Variants in GLDC observed in about 807,000 individuals in gnomAD.
GLDC encodes the protein glycine decarboxylase.
Under a neutral mutation model 121.3 loss-of-function variants are expected in GLDC, and 104 were observed. That is an observed-to-expected ratio of 0.86 (90% confidence interval 0.73 to 1.01). The LOEUF (loss-of-function observed/expected upper bound fraction) is 1.01, where lower values mean the gene tolerates loss of function less well. GLDC is among the 50% of genes least tolerant of loss of function. The pLI is 0.00. For missense variants in GLDC, 1,429 were observed against 1,306.6 expected (o/e 1.09, Z -1.44); for synonymous variants, 546 against 480.6 (o/e 1.14, Z -1.78).
intron 2 of GLDC, among the ~76,000 whole-genome samples, chr9:6,643,799 C>T (rs1016476806): frequency 6.6e-5 from 10 of 151,414 alleles, no homozygotes; most frequent in Non-Finnish European, 1.3e-4. Flanking sequence ...TTTGGGAGGC[C>T]GAGGCAGACG....
At chr9:6,568,643 T>A (rs1361218923) in intron 15 of GLDC, among the ~76,000 whole-genome samples, 1 of 150,898 alleles carries the variant, frequency 6.6e-6, no homozygotes, top group Non-Finnish European at 1.5e-5. Context: ...AGATCAGGAG[T>A]TCGAGACCAG....
Position 6,533,039 on chromosome 9 carries a change from T to G in GLDC, c.3041A>C (p.Glu1014Ala). 1 of 1,612,162 alleles carries G rather than the reference T, an allele frequency of 6.2e-7. No homozygotes were observed. ...PMEVYESPFS[E>A]QKRASS The stretch of plus-strand genomic sequence containing the variant: ...GGACTAAGAAGACGCCCTCTTTTGT[T>G]CAGAAAATGGAGACTCATAAACTTC... The change falls in exon 25 of 25, where the codon GAA (glutamate) becomes GCA (alanine). Residue 1014 changes from glutamate to alanine, a missense_variant. Transcript: ENST00000321612.
intron 2 of GLDC, among the ~76,000 whole-genome samples, chr9:6,622,499 C>T (rs976902225): frequency 6.6e-6 from 1 of 152,114 alleles, no homozygotes; most frequent in African/African-American, 2.4e-5. Flanking sequence ...CAGCCTCGGC[C>T]TCCCGAGGTG....
At chr9:6,535,718 C>T (rs1170189578) in intron 23 of GLDC, among the ~76,000 whole-genome samples, 1 of 152,174 alleles carries the variant, frequency 6.6e-6, no homozygotes, top group African/African-American at 2.4e-5. Context: ...GAGATAACTG[C>T]TCTAATATAA....
chr9:6,596,654 AGTT>A (rs1818498989), intron 8 of GLDC, among the ~76,000 whole-genome samples: 1 of 152,244 alleles, frequency 6.6e-6, no homozygotes, highest in Non-Finnish European at 1.5e-5. Context: ...CAAAATCATT[AGTT>A]ATTAGGGAAA....
At chr9:6,550,024 C>A (rs17591030) in intron 21 of GLDC, among the ~76,000 whole-genome samples, 9 of 152,114 alleles carry the variant, frequency 5.9e-5, no homozygotes, top group African/African-American at 2.2e-4. Context: ...TCACTCCAGA[C>A]CAGAGAGCTT....
intron 17 of GLDC, 85 bp from the exon 18 acceptor site, chr9:6,556,387 T>C: frequency 9.4e-7 from 1 of 1,064,232 alleles, no homozygotes; most frequent in South Asian, 1.3e-5. Flanking sequence ...TTTTAAAGGA[T>C]GAAGAAAGAT....
intron 5 of GLDC, 80 bp downstream of exon 5, chr9:6,606,512 T>G: frequency 1.1e-6 from 1 of 935,820 alleles, no homozygotes; most frequent in Non-Finnish European, 1.8e-6. Flanking sequence ...TCCAATCAGT[T>G]TGGAAGTGAG....
intron 15 of GLDC, among the ~76,000 whole-genome samples, chr9:6,582,853 TAACTC>T (rs1309149002): frequency 1.3e-5 from 2 of 150,766 alleles, no homozygotes; most frequent in African/African-American, 4.9e-5. Flanking sequence ...AGAACTGCTA[TAACTC>T]AACAACAAAT....
At chr9:6,543,200 A>C (rs1430432278) in intron 21 of GLDC, among the ~76,000 whole-genome samples, 2 of 152,086 alleles carry the variant, frequency 1.3e-5, no homozygotes. Context: ...GCTTGATCCC[A>C]GGAGGTTGAG....
chr9:6,616,615 G>A (rs539852193), intron 3 of GLDC, among the ~76,000 whole-genome samples: 2 of 152,200 alleles, frequency 1.3e-5, no homozygotes, highest in East Asian at 3.9e-4. Flanking sequence ...GACTCAATTA[G>A]GTAAAACATA....
chr9:6,578,611 C>G (rs1346497241), intron 15 of GLDC, among the ~76,000 whole-genome samples: 1 of 151,778 alleles, frequency 6.6e-6, no homozygotes, highest in Non-Finnish European at 1.5e-5. Context: ...GTGATCATGG[C>G]TCACTGCAGC....
At position 6,580,364 on chromosome 9, in the gene GLDC, T is replaced by A. The variant is rs188357424; in HGVS notation, c.1850+6777A>T. ...TCTGGGAATGTGCAATAGAAAAAGC[T>A]TTGACTTCTAACGACACCCAGAACC... On this transcript the variant is annotated intron_variant, in intron 15 of 24. Transcript: ENST00000321612. Among the ~76,000 whole-genome samples, 3 of 152,252 alleles carry A rather than the reference T, an allele frequency of 2.0e-5. No homozygotes were observed. In the East Asian group the frequency reaches 5.8e-4, roughly 29 times the overall value.
intron 3 of GLDC, among the ~76,000 whole-genome samples, chr9:6,618,642 G>C (rs1281909890): frequency 1.3e-5 from 2 of 152,064 alleles, no homozygotes; most frequent in African/African-American, 2.4e-5. Flanking sequence ...AAACAGCAAT[G>C]GAAAACAACA....
At chr9:6,602,328 T>C (rs1369863157) in intron 7 of GLDC, 123 bp from the exon 8 acceptor site, 2 of 711,298 alleles carry the variant, frequency 2.8e-6, no homozygotes, top group South Asian at 1.5e-5. Flanking sequence ...TGGGTGCAAA[T>C]TTATAAAGAA....
rs185708293 is a variant in GLDC, at chr9:6,611,328, C to G, written c.471-972G>C. Among the ~76,000 whole-genome samples the G allele has an allele frequency of 2.6e-5, 4 of 152,296 alleles. No individual in the cohort carries two copies. In the South Asian group the frequency reaches 6.2e-4, roughly 24 times the overall value. On this transcript the variant is annotated intron_variant, in intron 3 of 24. Coordinates refer to ENST00000321612, the MANE Select transcript of GLDC (RefSeq NM_000170.3). ...ACCTATTTTACTTGGGAGGTCAAGGCGGGCGGATCACGAGGTCAGGAGATC... is the reference window on the plus strand; with the variant it reads ...ACCTATTTTACTTGGGAGGTCAAGGGGGGCGGATCACGAGGTCAGGAGATC...
intron 2 of GLDC, among the ~76,000 whole-genome samples, chr9:6,640,850 C>T (rs1291728537): frequency 6.6e-6 from 1 of 152,178 alleles, no homozygotes; most frequent in Non-Finnish European, 1.5e-5. Context: ...AATACCTACA[C>T]TGCAGAAAAT....
intron 2 of GLDC, among the ~76,000 whole-genome samples, chr9:6,632,586 A>G (rs141365183): frequency 1.3e-5 from 2 of 152,322 alleles, no homozygotes; most frequent in East Asian, 3.9e-4. Context: ...GCACAGTGCT[A>G]TTTGATGGAG....
In GLDC at chr9:6,534,765, G is replaced by A. The variant is rs780534916; in HGVS notation, c.2862C>T (p.Cys954=). 1.1e-5 allele frequency: 17 copies of A among 1,603,304 alleles called. No homozygotes were observed. In the Admixed American group the frequency reaches 1.3e-4, roughly 13 times the overall value. ...GCCGGTCCCAGTGGGAAGATGTAACGCAGGTCAGGGAGTGTGGAGACATCT... is the reference window on the plus strand; with the variant it reads ...GCCGGTCCCAGTGGGAAGATGTAACACAGGTCAGGGAGTGTGGAGACATCT... ...PLKMSPHSLT[C]VTSSHWDRPY... Residue 954 remains cysteine (C), a synonymous_variant, in exon 24 of 25, where the codon TGC becomes TGT. Transcript: ENST00000321612.
Sources: allele counts gnomAD v4.1 joint callset (sites outside exome capture counted in the v4.1 genomes callset), GRCh38; gene constraint gnomAD v4.1.1; transcripts MANE v1.5; gene names NCBI Gene and HGNC (gene_info 2026-07-23, HGNC 2026-07-21).